SLC25A21: variants seen among roughly 807,000 people sequenced by gnomAD.
The protein encoded by SLC25A21 is solute carrier family 25 member 21.
In SLC25A21, 47 loss-of-function variants were observed where a neutral mutation model predicts 43.8. That is an observed-to-expected ratio of 1.07 (90% confidence interval 0.85 to 1.37). The LOEUF is 1.37. Among genes scored for constraint, SLC25A21 ranks in the 40% most tolerant of loss-of-function variants. The pLI is 0.00. For missense variants in SLC25A21, 352 were observed against 350.2 expected (o/e 1.00, Z -0.04); for synonymous variants, 131 against 121.3 (o/e 1.08, Z -0.52).
intron 1 of SLC25A21, among the ~76,000 whole-genome samples, chr14:37,127,846 G>A (rs374429037): frequency 2.0e-5 from 3 of 152,156 alleles, no homozygotes; most frequent in South Asian, 4.1e-4. Context: ...AGTTTGGTAA[G>A]ATGGAATATA....
intron 3 of SLC25A21, among the ~76,000 whole-genome samples, chr14:36,807,695 T>TCCAAG (rs1888093103): frequency 6.6e-6 from 1 of 152,184 alleles, no homozygotes. Context: ...ACTAAGACAC[T>TCCAAG]GAATTGAGCC....
intron 2 of SLC25A21, among the ~76,000 whole-genome samples, chr14:36,821,939 T>C (rs1888651945): frequency 6.6e-6 from 1 of 152,192 alleles, no homozygotes; most frequent in South Asian, 2.1e-4. Flanking sequence ...GTTCGAAGGG[T>C]GTGGTTTATA....
chr14:36,797,760 G>A (rs1289939944), intron 3 of SLC25A21, among the ~76,000 whole-genome samples: 1 of 152,208 alleles, frequency 6.6e-6, no homozygotes, highest in Non-Finnish European at 1.5e-5. Flanking sequence ...AAGTTTTTAT[G>A]TAGTTGATCC....
chr14:37,123,522 T>A (rs1963247062), intron 1 of SLC25A21, among the ~76,000 whole-genome samples: 1 of 152,264 alleles, frequency 6.6e-6, no homozygotes, highest in Non-Finnish European at 1.5e-5. Context: ...TACATTGTTG[T>A]AAACAGTAAA....
chr14:36,877,796 AGGGTAT>A (rs1225673541), intron 1 of SLC25A21, among the ~76,000 whole-genome samples: 2 of 152,140 alleles, frequency 1.3e-5, no homozygotes, highest in Non-Finnish European at 2.9e-5. Context: ...GGTTGAAGGC[AGGGTAT>A]GGCAAGAGAT....
intron 1 of SLC25A21, among the ~76,000 whole-genome samples, chr14:36,982,970 CTT>C (rs1473311599): frequency 6.6e-6 from 1 of 152,078 alleles, no homozygotes; most frequent in African/African-American, 2.4e-5. Context: ...AAATAATTTC[CTT>C]TGAGTTTTTT....
chr14:36,971,215 T>C (rs1403767174), intron 1 of SLC25A21, among the ~76,000 whole-genome samples: 3 of 152,196 alleles, frequency 2.0e-5, no homozygotes, highest in Non-Finnish European at 2.9e-5. Flanking sequence ...CTCTTTTTAA[T>C]GAAAAGCAGC....
chr14:37,123,432 C>A (rs1332700939), intron 1 of SLC25A21, among the ~76,000 whole-genome samples: 1 of 152,198 alleles, frequency 6.6e-6, no homozygotes, highest in African/African-American at 2.4e-5. Context: ...AAAGCAACAA[C>A]CAATGTGTCA....
intron 1 of SLC25A21, among the ~76,000 whole-genome samples, chr14:36,966,831 T>C (rs947405302): frequency 3.3e-5 from 5 of 152,320 alleles, no homozygotes; most frequent in African/African-American, 1.2e-4. Context: ...CTTTATCCCT[T>C]GAGTTCCTTC....
At chr14:36,947,791 C>T (rs1371664556) in intron 1 of SLC25A21, among the ~76,000 whole-genome samples, 2 of 152,144 alleles carry the variant, frequency 1.3e-5, no homozygotes, top group East Asian at 3.8e-4. Context: ...ACAGTGAAAG[C>T]ATCTCAGGTT....
chr14:36,849,463 C>G (rs77213352), intron 2 of SLC25A21, among the ~76,000 whole-genome samples: 4,819 of 152,252 alleles, frequency 0.032, 85 homozygotes, highest in Middle Eastern at 0.054. Context: ...AAAACTATCA[C>G]TACTAGTCTG....
chr14:36,976,538 TA>T (rs144851170), intron 1 of SLC25A21, among the ~76,000 whole-genome samples: 2 of 150,534 alleles, frequency 1.3e-5, no homozygotes, highest in Admixed American at 6.6e-5. Context: ...GGCCTGTAGA[TA>T]AAAAAAAACA....
chr14:37,006,772 T>C (rs1008895272), intron 1 of SLC25A21, among the ~76,000 whole-genome samples: 1 of 152,170 alleles, frequency 6.6e-6, no homozygotes, highest in African/African-American at 2.4e-5. Flanking sequence ...CTATATTAAA[T>C]TGATGTCATA....
chr14:37,007,790 T>A (rs930484911), intron 1 of SLC25A21, among the ~76,000 whole-genome samples: 8 of 152,102 alleles, frequency 5.3e-5, no homozygotes, highest in African/African-American at 1.9e-4. Flanking sequence ...ATAGGCATAT[T>A]TCAAAATAGA....
At chr14:36,753,919 C>CAGAGAA (rs1885812781) in intron 3 of SLC25A21, among the ~76,000 whole-genome samples, 2 of 129,990 alleles carry the variant, frequency 1.5e-5, no homozygotes, top group South Asian at 5.9e-4. Context: ...TCACTGGGGA[C>CAGAGAA]AGAGAGAGAG....
chr14:36,726,284 A>T (rs1477487944), intron 5 of SLC25A21, among the ~76,000 whole-genome samples: 1 of 152,184 alleles, frequency 6.6e-6, no homozygotes, highest in African/African-American at 2.4e-5. Flanking sequence ...CTAAAAGCTG[A>T]GATCAGAAAT....
intron 1 of SLC25A21, among the ~76,000 whole-genome samples, chr14:36,880,973 C>T (rs1890702664): frequency 1.3e-5 from 2 of 152,062 alleles, no homozygotes; most frequent in Non-Finnish European, 2.9e-5. Flanking sequence ...TTTCAAAGCT[C>T]AGCACAGAAG....
intron 1 of SLC25A21, among the ~76,000 whole-genome samples, chr14:37,054,454 A>G (rs1200536613): frequency 2.0e-5 from 3 of 152,216 alleles, no homozygotes; most frequent in Non-Finnish European, 4.4e-5. Flanking sequence ...ATTGTACATC[A>G]ATAGAAAGCC....
intron 1 of SLC25A21, among the ~76,000 whole-genome samples, chr14:36,996,508 T>C (rs1237214846): frequency 3.3e-5 from 5 of 152,200 alleles, no homozygotes; most frequent in Non-Finnish European, 7.3e-5. Context: ...ATAGGGATAA[T>C]AATGTGTTCT....
Sources: allele counts gnomAD v4.1 joint callset (sites outside exome capture counted in the v4.1 genomes callset), GRCh38; gene constraint gnomAD v4.1.1; transcripts MANE v1.5; gene names NCBI Gene and HGNC (gene_info 2026-07-23, HGNC 2026-07-21).